Variants in MALRD1 observed in about 807,000 individuals in gnomAD.
The protein encoded by MALRD1 is MAM and LDL-receptor class A domain-containing protein 1.
A neutral mutation model predicts 242.1 loss-of-function variants in MALRD1; 247 were observed. The ratio of observed to expected loss-of-function variants is 1.02; its 90% CI spans 0.92 to 1.13. The LOEUF is 1.13. Among genes scored for constraint, MALRD1 ranks in the 50% most tolerant of loss-of-function variants. The probability of loss-of-function intolerance (pLI) is 0.00; values close to 1 mark genes in which losing one functional copy is unlikely to be tolerated. For missense variants in MALRD1, 2,989 were observed against 2,533.1 expected (o/e 1.18, Z -3.86); for synonymous variants, 995 against 866.6 (o/e 1.15, Z -2.60).
At chr10:19,252,313 A>C (rs1304340165) in intron 18 of MALRD1, among the ~76,000 whole-genome samples, 1 of 152,046 alleles carries the variant, frequency 6.6e-6, no homozygotes, top group East Asian at 1.9e-4. Context: ...GGTCCAGCCC[A>C]AGGGCCACCA....
intron 35 of MALRD1, among the ~76,000 whole-genome samples, chr10:19,613,333 C>G (rs1838988952): frequency 6.6e-6 from 1 of 151,976 alleles, no homozygotes; most frequent in African/African-American, 2.4e-5. Flanking sequence ...TACTTCGATG[C>G]CCCTTATGCA....
At position 19,203,761 on chromosome 10, in the gene MALRD1, A is replaced by G. The variant is rs2131614398; in HGVS notation, c.1985A>G (p.Asp662Gly). ...SKCDFEANSCDWFEAISGDHF... is the reference protein window; with the variant it reads ...SKCDFEANSCGWFEAISGDHF... The stretch of plus-strand genomic sequence containing the variant: ...TGTGACTTTGAAGCAAACAGCTGTG[A>G]TTGGTTTGAAGCAATTAGTGGTGAC... The change falls in exon 15 of 40, where the codon GAT becomes GGT. Residue 662 changes from aspartate (D) to glycine (G), a missense_variant. By Grantham distance (94) the Asp-to-Gly change is moderately conservative (BLOSUM62 -1). Transcript: ENST00000454679. The G allele has an allele frequency of 6.5e-7, 1 of 1,547,766 alleles. No homozygotes were observed. The highest frequency in any genetic ancestry group is 1.2e-5 in the South Asian group (1 of 83,942).
At chr10:19,677,823 C>G (rs1329162156) in intron 36 of MALRD1, among the ~76,000 whole-genome samples, 1 of 152,092 alleles carries the variant, frequency 6.6e-6, no homozygotes, top group Non-Finnish European at 1.5e-5. Flanking sequence ...AGTCTTTAAT[C>G]CATCTTGAAT....
chr10:19,230,537 C>A (rs1173534173), intron 18 of MALRD1, among the ~76,000 whole-genome samples: 2 of 152,148 alleles, frequency 1.3e-5, no homozygotes, highest in Non-Finnish European at 2.9e-5. Flanking sequence ...GGTAAGAACT[C>A]ATTCATTACC....
intron 1 of MALRD1, among the ~76,000 whole-genome samples, chr10:19,064,608 T>C (rs886578116): frequency 2.0e-5 from 3 of 151,896 alleles, no homozygotes; most frequent in African/African-American, 4.8e-5. Context: ...AAAAAATGTT[T>C]TATTTAGCTA....
At chr10:19,545,644 A>G (rs1318576433) in intron 32 of MALRD1, among the ~76,000 whole-genome samples, 1 of 75,558 alleles carries the variant, frequency 1.3e-5, no homozygotes, top group Non-Finnish European at 4.4e-5. Flanking sequence ...TGGAATCCAT[A>G]AATTTTCCTG....
chr10:19,652,347 G>T (rs187238336), intron 36 of MALRD1, among the ~76,000 whole-genome samples: 16 of 152,304 alleles, frequency 1.1e-4, no homozygotes, highest in Admixed American at 2.6e-4. Flanking sequence ...AGAGCCAAAT[G>T]TGCCAAAGCA....
chr10:19,446,280 C>A (rs934315521), intron 28 of MALRD1, among the ~76,000 whole-genome samples: 1 of 152,232 alleles, frequency 6.6e-6, no homozygotes, highest in Non-Finnish European at 1.5e-5. Context: ...ACTCTGTGGG[C>A]TGCACCCACT....
chr10:19,064,466 G>A (rs748847607), intron 1 of MALRD1, among the ~76,000 whole-genome samples: 1 of 150,732 alleles, frequency 6.6e-6, no homozygotes, highest in Non-Finnish European at 1.5e-5. Context: ...ATTTTCTGAT[G>A]TATTTTTGAG....
intron 33 of MALRD1, among the ~76,000 whole-genome samples, chr10:19,576,243 C>T (rs1446622723): frequency 2.6e-5 from 4 of 152,200 alleles, no homozygotes; most frequent in African/African-American, 7.2e-5. Context: ...CTCCCTATGC[C>T]ATTCCTCTGA....
intron 34 of MALRD1, among the ~76,000 whole-genome samples, chr10:19,600,710 T>A (rs1024339928): frequency 2.6e-5 from 4 of 152,136 alleles, no homozygotes; most frequent in African/African-American, 9.7e-5. Flanking sequence ...CGATAATCGA[T>A]TAAGAAATTT....
At chr10:19,682,706 G>A (rs574021433) in intron 36 of MALRD1, among the ~76,000 whole-genome samples, 46 of 152,252 alleles carry the variant, frequency 3.0e-4, no homozygotes, top group African/African-American at 1.1e-3. Context: ...ATTTTGTTGC[G>A]ATATAATTCA....
At chr10:19,327,887 C>T (rs1843204587) in intron 23 of MALRD1, among the ~76,000 whole-genome samples, 1 of 152,094 alleles carries the variant, frequency 6.6e-6, no homozygotes, top group Non-Finnish European at 1.5e-5. Context: ...GATATTCGTA[C>T]CTCTAGGAAC....
intron 2 of MALRD1, among the ~76,000 whole-genome samples, chr10:19,080,561 C>A (rs1374681302): frequency 6.6e-6 from 1 of 151,922 alleles, no homozygotes; most frequent in Non-Finnish European, 1.5e-5. Flanking sequence ...AACTGGCTAC[C>A]CATATGCAAA....
chr10:19,528,157 A>G (rs1834184972), intron 31 of MALRD1, among the ~76,000 whole-genome samples: 1 of 151,986 alleles, frequency 6.6e-6, no homozygotes, highest in Non-Finnish European at 1.5e-5. Context: ...TTGGTGGTAC[A>G]TACAATGTAT....
At chr10:19,586,757 G>C (rs1225527147) in intron 33 of MALRD1, among the ~76,000 whole-genome samples, 1 of 152,224 alleles carries the variant, frequency 6.6e-6, no homozygotes, top group East Asian at 1.9e-4. Flanking sequence ...GCTCCACCCA[G>C]TTCCAGCTTC....
chr10:19,645,731 G>A (rs906303907), intron 36 of MALRD1, among the ~76,000 whole-genome samples: 2 of 152,036 alleles, frequency 1.3e-5, no homozygotes, highest in Non-Finnish European at 2.9e-5. Context: ...ACTGTTGTGG[G>A]GTGGGAGGAG....
intron 1 of MALRD1, among the ~76,000 whole-genome samples, chr10:19,065,287 C>CAAAAAAAAAAAAAAAAAAAAAAAAA (rs1197670439): frequency 2.0e-5 from 1 of 50,632 alleles, no homozygotes; most frequent in African/African-American, 8.9e-5. Flanking sequence ...AACGCTGTCT[C>CAAAAAAAAAAAAAAAAAAAAAAAAA]AAAAAAAAAA....
intron 19 of MALRD1, among the ~76,000 whole-genome samples, chr10:19,271,306 C>A (rs377534264): frequency 3.3e-5 from 5 of 152,118 alleles, no homozygotes; most frequent in African/African-American, 1.2e-4. Flanking sequence ...AAAGTACTAT[C>A]TTGAGGAAAA....
Sources: allele counts gnomAD v4.1 joint callset (sites outside exome capture counted in the v4.1 genomes callset), GRCh38; gene constraint gnomAD v4.1.1; transcripts MANE v1.5; gene names NCBI Gene and HGNC (gene_info 2026-07-23, HGNC 2026-07-21).